The following FGF14 variants were observed in gnomAD, a reference collection of about 807,000 sequenced individuals.
The protein encoded by FGF14 is fibroblast growth factor 14.
FGF14 carries 5 observed loss-of-function variants against 25.5 expected under a neutral mutation model. That is an observed-to-expected ratio of 0.20 (90% CI 0.10 to 0.41). FGF14 has a LOEUF of 0.41. Ranked by LOEUF, FGF14 falls within the 10% of genes least tolerant of loss-of-function variation. The pLI, the probability that FGF14 is intolerant of heterozygous loss-of-function variation, is 1.00. For missense variants in FGF14, 222 were observed against 320.1 expected, an observed-to-expected ratio of 0.69 and a Z score of 2.34; for synonymous variants, 138 against 118.3, an observed-to-expected ratio of 1.17 and a Z score of -1.08.
chr13:102,184,424 T>A (rs7322577), intron 1 of FGF14, among the ~76,000 whole-genome samples: 1 of 152,002 alleles, frequency 6.6e-6, no homozygotes, highest in Non-Finnish European at 1.5e-5. Context: ...GTCCAGTCCC[T>A]GAATCTATCT....
intron 1 of FGF14, among the ~76,000 whole-genome samples, chr13:101,896,713 G>A (rs1594643207): frequency 3.9e-5 from 6 of 152,138 alleles, no homozygotes; most frequent in Admixed American, 3.9e-4. Context: ...CTACATGCAC[G>A]CAGGCAGACA....
chr13:101,998,218 A>G (rs1234271698), intron 1 of FGF14, among the ~76,000 whole-genome samples: 1 of 152,228 alleles, frequency 6.6e-6, no homozygotes, highest in Non-Finnish European at 1.5e-5. Flanking sequence ...AGGAGAATGC[A>G]CCATAGGACT....
At chr13:102,046,210 G>A (rs1248473276) in intron 1 of FGF14, among the ~76,000 whole-genome samples, 1 of 151,980 alleles carries the variant, frequency 6.6e-6, no homozygotes, top group Non-Finnish European at 1.5e-5. Context: ...CTGATTTCTG[G>A]AAAGATAATT....
At chr13:102,362,814 A>T (rs973624325) in intron 1 of FGF14, among the ~76,000 whole-genome samples, 2 of 152,226 alleles carry the variant, frequency 1.3e-5, no homozygotes, top group African/African-American at 4.8e-5. Flanking sequence ...ATAGAAAAAA[A>T]AATCAAATTT....
rs58615099 is a variant in FGF14 at position 101,816,269 on chromosome 13, C to CAAAAAAA, written c.408+52449_408+52455dup. Among the ~76,000 whole-genome samples the CAAAAAAA allele has an allele frequency of 3.5e-4, 31 of 89,036 alleles. 1 individual carries two copies. Among genetic ancestry groups the CAAAAAAA allele is most frequent in the Non-Finnish European group, 4.7e-4 (22 of 47,020 alleles). 58.4% of individuals were successfully genotyped at this position (89,036 alleles called of 152,430 possible). A position where few individuals can be genotyped will look rare whatever the true frequency, so the allele number is the denominator to read the frequency against. ...TGGGGAACAGAGAGAGACTCCGTCT[C>CAAAAAAA]AAAAAAAAAAAAAAAATTTGGCTTA... On this transcript the variant is annotated intron_variant, in intron 3 of 4. Coordinates refer to ENST00000376143, the MANE Select transcript of FGF14 (RefSeq NM_004115.4).
In FGF14 at chr13:102,400,461, A is replaced by G. The variant is rs1280848603; in HGVS notation, c.208+1010T>C. Among the ~76,000 whole-genome samples the G allele has an allele frequency of 6.6e-6, 1 of 152,168 alleles. No individual in the cohort carries two copies. The highest frequency in any genetic ancestry group is 1.9e-4 in the East Asian group (1 of 5,178). ...AGCGGTTCCGGGAAAGGCTGCGCCCAGCCTCCTCGCCAGCGCCGCCGCCAC... is the reference window on the plus strand; with the variant it reads ...AGCGGTTCCGGGAAAGGCTGCGCCCGGCCTCCTCGCCAGCGCCGCCGCCAC... On this transcript the variant is annotated intron_variant, in intron 1 of 4. Coordinates refer to the FGF14 transcript ENST00000376131. This position sits in a 1 kb window ranked among gnomAD's most constrained non-coding sequence, Gnocchi z 4.3.
chr13:102,360,800 C>T (rs776593238), intron 1 of FGF14, among the ~76,000 whole-genome samples: 37 of 152,076 alleles, frequency 2.4e-4, no homozygotes, highest in African/African-American at 5.3e-4. Flanking sequence ...CTTATGTCCT[C>T]GTGTCTTAAC....
rs181913170 is a variant in FGF14, at chr13:102,252,595, C to T, written c.208+148876G>A. Among the ~76,000 whole-genome samples, 222 of 152,186 alleles carry T rather than the reference C, an allele frequency of 1.5e-3. 1 individual carries two copies. The Middle Eastern group carries it at 0.02, about 14-fold the overall frequency. The stretch of plus-strand genomic sequence containing the variant: ...ATGAGTTAGAATACCTAATATGATG[C>T]AAATGCTATGTAAATAGCTGTTATA... On this transcript the variant is annotated intron_variant, in intron 1 of 4. Coordinates refer to the FGF14 transcript ENST00000376131.
chr13:102,186,165 C>T (rs570942215), intron 1 of FGF14, among the ~76,000 whole-genome samples: 1 of 152,154 alleles, frequency 6.6e-6, no homozygotes, highest in African/African-American at 2.4e-5. Context: ...AAACAGAAAG[C>T]AGCTACTCTA....
In FGF14 at chr13:101,982,512, G is replaced by T. The variant is rs143100890; in HGVS notation, c.209-107216C>A. 7.1e-3 allele frequency among the ~76,000 whole-genome samples: 1,085 copies of T among 152,284 alleles called. 12 individuals are homozygous for T. Among genetic ancestry groups the T allele is most frequent in the African/African-American group, 0.025 (1,020 of 41,566 alleles). On this transcript the variant is annotated intron_variant, in intron 1 of 4. Transcript: ENST00000376131. ...CACACTCTGCCACCCTAACAGTGAT[G>T]AATTAAAAGGCAACATCTTTTATGT...
chr13:101,921,316 C>A (rs1389061867), upstream of FGF14, among the ~76,000 whole-genome samples: 2 of 152,098 alleles, frequency 1.3e-5, no homozygotes, highest in African/African-American at 2.4e-5. Flanking sequence ...AAAGAGAGAG[C>A]TATATTGAAA....
At chr13:101,818,412 A>G (rs2041947128) in intron 3 of FGF14, among the ~76,000 whole-genome samples, 1 of 152,208 alleles carries the variant, frequency 6.6e-6, no homozygotes, top group Non-Finnish European at 1.5e-5. Flanking sequence ...TATTTTGGGT[A>G]GCATCCTCCC....
At chr13:102,026,998 T>TA (rs2040962574) in intron 1 of FGF14, among the ~76,000 whole-genome samples, 1 of 151,982 alleles carries the variant, frequency 6.6e-6, no homozygotes, top group Non-Finnish European at 1.5e-5. Flanking sequence ...CTCATAAACC[T>TA]AAAGGGGCTG....
chr13:102,372,500 G>A (rs1039962322), intron 1 of FGF14, among the ~76,000 whole-genome samples: 1 of 152,074 alleles, frequency 6.6e-6, no homozygotes, highest in Non-Finnish European at 1.5e-5. Flanking sequence ...CCACTAGAAA[G>A]GCTAGCTTTC....
chr13:102,244,127 G>A (rs925277879), intron 1 of FGF14, among the ~76,000 whole-genome samples: 2 of 151,874 alleles, frequency 1.3e-5, no homozygotes, highest in African/African-American at 4.8e-5. Context: ...CTACAAACGC[G>A]GTCTGTATTC....
At chr13:102,140,472 T>C (rs1227637374) in intron 1 of FGF14, among the ~76,000 whole-genome samples, 2 of 152,184 alleles carry the variant, frequency 1.3e-5, no homozygotes, top group African/African-American at 2.4e-5. Context: ...AAACAAAGTG[T>C]ATCATTCCAT....
At chr13:102,314,981 AATAAC>A (rs2055948978) in intron 1 of FGF14, among the ~76,000 whole-genome samples, 1 of 149,374 alleles carries the variant, frequency 6.7e-6, no homozygotes, top group Non-Finnish European at 1.5e-5. Context: ...CATTATTATA[AATAAC>A]ATATTAATGT....
At chr13:101,832,627 A>C (rs546406065) in intron 3 of FGF14, among the ~76,000 whole-genome samples, 1 of 152,110 alleles carries the variant, frequency 6.6e-6, no homozygotes, top group South Asian at 2.1e-4. Flanking sequence ...GAGTGGAAGT[A>C]AAAGCAAGTA....
intron 1 of FGF14, among the ~76,000 whole-genome samples, chr13:102,054,711 A>G (rs995203623): frequency 6.6e-6 from 1 of 152,098 alleles, no homozygotes; most frequent in East Asian, 1.9e-4. Context: ...CTCAAATTCA[A>G]CTTAGGGTAT....
Sources: gnomAD v4.1 joint callset for allele counts (sites outside exome capture counted in the v4.1 genomes callset) on GRCh38, gnomAD v4.1.1 for gene constraint, Gnocchi (gnomAD v3.1) non-coding constraint, MANE v1.5 for transcripts, NCBI Gene and HGNC (gene_info 2026-07-23, HGNC 2026-07-21) for gene names.